The following NEGR1 variants were observed in gnomAD, a reference collection of about 807,000 sequenced individuals.
The protein encoded by NEGR1 is neuronal growth regulator 1.
NEGR1 carries 10 observed loss-of-function variants against 40.9 expected under a neutral mutation model. That is an observed-to-expected ratio of 0.24 (90% CI 0.15 to 0.42). The LOEUF is 0.42. NEGR1 is among the 10% of genes least tolerant of loss of function. The pLI, the probability that NEGR1 is intolerant of heterozygous loss-of-function variation, is 1.00. For missense variants in NEGR1, 352 were observed against 438.9 expected (o/e 0.80, Z 1.77); for synonymous variants, 185 against 166.8 (o/e 1.11, Z -0.84).
intron 2 of NEGR1, among the ~76,000 whole-genome samples, chr1:71,913,181 T>A (rs1661469458): frequency 6.6e-6 from 1 of 152,174 alleles, no homozygotes; most frequent in African/African-American, 2.4e-5. Context: ...AGTGGCGCGA[T>A]CTCAGCTCAC....
At chr1:72,030,425 T>C (rs1040091581) in intron 1 of NEGR1, among the ~76,000 whole-genome samples, 2 of 152,154 alleles carry the variant, frequency 1.3e-5, no homozygotes, top group East Asian at 1.9e-4. Flanking sequence ...TTAAGAAATA[T>C]TGACAGTAGT....
At position 71,867,643 on chromosome 1, in the gene NEGR1, G is replaced by C. The variant is rs190824318; in HGVS notation, c.409+67436C>G. 3.1e-3 allele frequency among the ~76,000 whole-genome samples: 475 copies of C among 152,114 alleles called. 9 individuals carry two copies. The highest frequency in any genetic ancestry group is 7.9e-4 in the Non-Finnish European group (54 of 67,992). On this transcript the variant is annotated intron_variant, in intron 2 of 6. Coordinates refer to ENST00000357731, the MANE Select transcript of NEGR1 (RefSeq NM_173808.3). ...TTGCCGTACTATGAAATAGACTCCT[G>C]ACCAAAATCATATACAAAATTTTAA... is the stretch of plus-strand genomic sequence containing the variant.
chr1:71,499,152 A>G (rs1646983636), intron 6 of NEGR1, among the ~76,000 whole-genome samples: 1 of 152,170 alleles, frequency 6.6e-6, no homozygotes, highest in Non-Finnish European at 1.5e-5. Context: ...AACTGTCATT[A>G]GGTGTCTAAC....
At chr1:71,511,150 T>C (rs1404568497) in intron 6 of NEGR1, among the ~76,000 whole-genome samples, 1 of 152,214 alleles carries the variant, frequency 6.6e-6, no homozygotes, top group Admixed American at 6.5e-5. Context: ...TCAGCTATTT[T>C]AACCGCAGTT....
chr1:72,196,669 A>AGAC (rs58654508), intron 1 of NEGR1, among the ~76,000 whole-genome samples: 72,384 of 150,948 alleles, frequency 0.48, 18,041 homozygotes, highest in African/African-American at 0.59. Context: ...ACAAGTGATC[A>AGAC]AGGATGATCA....
chr1:71,580,058 A>G (rs1420630778), intron 6 of NEGR1, among the ~76,000 whole-genome samples: 1 of 152,262 alleles, frequency 6.6e-6, no homozygotes, highest in South Asian at 2.1e-4. Flanking sequence ...GAACCAACCC[A>G]AATATCCAAC....
chr1:71,580,224 G>A (rs1056241379), intron 6 of NEGR1, among the ~76,000 whole-genome samples: 2 of 150,460 alleles, frequency 1.3e-5, no homozygotes, highest in Admixed American at 6.7e-5. Context: ...ACCAAACACC[G>A]CATATTCTCA....
intron 1 of NEGR1, among the ~76,000 whole-genome samples, chr1:72,118,291 C>A (rs1388456677): frequency 6.6e-6 from 1 of 151,874 alleles, no homozygotes; most frequent in African/African-American, 2.4e-5. Context: ...AGCTGTAGCA[C>A]ATCTGGAAGA....
intron 1 of NEGR1, among the ~76,000 whole-genome samples, chr1:72,178,229 T>C (rs1055605291): frequency 2.6e-5 from 4 of 152,050 alleles, no homozygotes; most frequent in African/African-American, 9.7e-5. Context: ...CCTATTATTT[T>C]ATTGACAGTT....
intron 4 of NEGR1, among the ~76,000 whole-genome samples, chr1:71,650,011 T>C (rs1651659657): frequency 1.3e-5 from 2 of 152,160 alleles, no homozygotes; most frequent in African/African-American, 4.8e-5. Flanking sequence ...TTATACTCCA[T>C]ATGGAATATA....
chr1:72,019,485 G>T (rs1185133889), intron 1 of NEGR1, among the ~76,000 whole-genome samples: 2 of 152,104 alleles, frequency 1.3e-5, no homozygotes, highest in African/African-American at 4.8e-5. Flanking sequence ...TGAACCTGAA[G>T]ATTCTTTAAG....
chr1:72,154,916 T>C (rs540169055), intron 1 of NEGR1, among the ~76,000 whole-genome samples: 6 of 152,134 alleles, frequency 3.9e-5, no homozygotes, highest in South Asian at 2.1e-4. Context: ...AGTAAACTTA[T>C]TGTTTGAATA....
rs182831690 is a variant in NEGR1 at position 71,537,277 on chromosome 1, G to C, written c.940+55540C>G. On this transcript the variant is annotated intron_variant, in intron 6 of 6. Transcript: ENST00000357731. ...CACATGTAATAAGGAGTAGAGATGA[G>C]AGAAATACTATGCTAGGATGTCTTA... is the stretch of plus-strand genomic sequence containing the variant. Among the ~76,000 whole-genome samples the C allele has an allele frequency of 2.0e-5, 3 of 151,784 alleles. No homozygotes were observed. The East Asian group carries it at 5.9e-4, about 30-fold the overall frequency.
intron 2 of NEGR1, among the ~76,000 whole-genome samples, chr1:71,913,487 A>G (rs1374599152): frequency 6.6e-6 from 1 of 152,176 alleles, no homozygotes; most frequent in Non-Finnish European, 1.5e-5. Flanking sequence ...AAGCCTGCAT[A>G]ATGTCACTTC....
rs80256085 is a variant in NEGR1 at position 72,089,025 on chromosome 1, G to A, written c.177-153714C>T. ...GCTTTACCAAGAAGCAGTATTAACA[G>A]AGCCATGCTTCTCAAACTTTGATCA... On this transcript the variant is annotated intron_variant, in intron 1 of 6. Transcript: ENST00000357731. 5.8e-3 allele frequency among the ~76,000 whole-genome samples: 882 copies of A among 152,058 alleles called. 5 individuals are homozygous for A. Among genetic ancestry groups the A allele is most frequent in the African/African-American group, 0.02 (842 of 41,516 alleles).
At chr1:71,522,880 G>A (rs1210298344) in intron 6 of NEGR1, among the ~76,000 whole-genome samples, 1 of 151,754 alleles carries the variant, frequency 6.6e-6, no homozygotes, top group East Asian at 1.9e-4. Context: ...ATAAGTAAAT[G>A]TGATGAGTAT....
chr1:72,245,178 C>A (rs1406662785), intron 1 of NEGR1, among the ~76,000 whole-genome samples: 9 of 151,980 alleles, frequency 5.9e-5, no homozygotes, highest in Non-Finnish European at 1.2e-4. Context: ...ATTATAGTGA[C>A]TTCACCAATA....
intron 2 of NEGR1, among the ~76,000 whole-genome samples, chr1:71,820,430 C>A (rs1658386126): frequency 6.6e-6 from 1 of 151,932 alleles, no homozygotes. Context: ...CAGTCCTTCC[C>A]TACAGGGATT....
chr1:71,614,870 A>G (rs981442552), intron 4 of NEGR1, among the ~76,000 whole-genome samples: 1 of 152,210 alleles, frequency 6.6e-6, no homozygotes, highest in Admixed American at 6.5e-5. Context: ...GTGCTTTACC[A>G]CACAAGTTAA....
Sources: allele counts gnomAD v4.1 joint callset (sites outside exome capture counted in the v4.1 genomes callset), GRCh38; gene constraint gnomAD v4.1.1; transcripts MANE v1.5; gene names NCBI Gene and HGNC (gene_info 2026-07-23, HGNC 2026-07-21).